MPZL1: variants seen among roughly 807,000 people sequenced by gnomAD.
The protein encoded by MPZL1 is myelin protein zero like 1, also known as myelin protein zero-like protein 1.
In MPZL1, 16 loss-of-function variants were observed where a neutral mutation model predicts 29.3. The observed-to-expected ratio is 0.55, with a 90% CI of 0.37 to 0.83. MPZL1 has a LOEUF of 0.83. MPZL1 is among the 40% of genes least tolerant of loss of function. MPZL1 has a pLI of 0.00. For synonymous variants in MPZL1, 143 were observed against 132.0 expected, an observed-to-expected ratio of 1.08 and a Z score of -0.57; for missense variants, 279 against 332.9, an observed-to-expected ratio of 0.84 and a Z score of 1.26.
intron 5 of MPZL1, among the ~76,000 whole-genome samples, chr1:167,778,046 G>A (rs1230513203): frequency 6.6e-6 from 1 of 152,216 alleles, no homozygotes; most frequent in Non-Finnish European, 1.5e-5. Flanking sequence ...GGCATGGCCT[G>A]GTGCGGTGGC....
At chr1:167,729,339 A>G (rs1660218871) in intron 1 of MPZL1, among the ~76,000 whole-genome samples, 1 of 152,130 alleles carries the variant, frequency 6.6e-6, no homozygotes. Flanking sequence ...CCAAACATTA[A>G]GTTTACAATG....
At chr1:167,734,909 A>G (rs1413814710) in intron 1 of MPZL1, among the ~76,000 whole-genome samples, 1 of 152,240 alleles carries the variant, frequency 6.6e-6, no homozygotes, top group Non-Finnish European at 1.5e-5. Flanking sequence ...TCCAATATTC[A>G]GGATCCCTTT....
intron 3 of MPZL1, 57 bp downstream of exon 3, chr1:167,772,545 T>C (rs1417490045): frequency 1.4e-6 from 2 of 1,470,300 alleles, no homozygotes; most frequent in African/African-American, 1.4e-5. Flanking sequence ...TCATGTTTGG[T>C]TGGAAAACAT....
chr1:167,782,331 T>G (rs2101798756), intron 5 of MPZL1, among the ~76,000 whole-genome samples: 2 of 152,314 alleles, frequency 1.3e-5, no homozygotes, highest in Admixed American at 1.3e-4. Flanking sequence ...ATAATTCCAG[T>G]GTCTGTAGTC....
intron 1 of MPZL1, among the ~76,000 whole-genome samples, chr1:167,732,401 AAAAC>A (rs1660289201): frequency 6.6e-6 from 1 of 152,208 alleles, no homozygotes; most frequent in African/African-American, 2.4e-5. Context: ...CCCAAAAACA[AAAAC>A]AAACAAAAAA....
chr1:167,767,035 T>C (rs776908924), intron 2 of MPZL1, among the ~76,000 whole-genome samples: 34 of 152,352 alleles, frequency 2.2e-4, no homozygotes, highest in African/African-American at 7.5e-4. Flanking sequence ...TGCAACTGTT[T>C]TACATATAAA....
intron 1 of MPZL1, among the ~76,000 whole-genome samples, chr1:167,755,512 C>T (rs987401999): frequency 6.6e-6 from 1 of 152,244 alleles, no homozygotes; most frequent in East Asian, 1.9e-4. Flanking sequence ...TCAACATGTT[C>T]TTTATGTTAA....
intron 1 of MPZL1, among the ~76,000 whole-genome samples, chr1:167,734,207 G>A (rs1004717509): frequency 4.6e-5 from 7 of 151,386 alleles, no homozygotes; most frequent in African/African-American, 1.2e-4. Context: ...AACGAGCCAA[G>A]ATTGCGCCAC....
At chr1:167,724,042 G>T (rs1335820239) in intron 1 of MPZL1, among the ~76,000 whole-genome samples, 1 of 152,164 alleles carries the variant, frequency 6.6e-6, no homozygotes. Context: ...TGATTCCTCT[G>T]CCTTTTCCTC....
intron 5 of MPZL1, among the ~76,000 whole-genome samples, chr1:167,782,226 T>C (rs1439328334): frequency 6.6e-6 from 1 of 152,204 alleles, no homozygotes; most frequent in Non-Finnish European, 1.5e-5. Context: ...CTTTTTTAAA[T>C]ATACCTGGTT....
intron 2 of MPZL1, among the ~76,000 whole-genome samples, chr1:167,769,311 T>C (rs1457717028): frequency 6.6e-6 from 1 of 152,204 alleles, no homozygotes; most frequent in Non-Finnish European, 1.5e-5. Context: ...TGTTACCCTC[T>C]GGAGCAAAGG....
intron 1 of MPZL1, among the ~76,000 whole-genome samples, chr1:167,751,959 T>G (rs1030445771): frequency 3.3e-5 from 5 of 152,214 alleles, no homozygotes; most frequent in African/African-American, 1.2e-4. Context: ...CTTTTTTGTG[T>G]ATCTTTACAA....
chr1:167,767,849 T>C (rs529366988), intron 2 of MPZL1, among the ~76,000 whole-genome samples: 1 of 136,976 alleles, frequency 7.3e-6, no homozygotes, highest in South Asian at 2.3e-4. Flanking sequence ...ATGAGTTTTG[T>C]AATCATTTTG....
At chr1:167,776,654 TTGA>T (rs1661374907) in intron 5 of MPZL1, among the ~76,000 whole-genome samples, 1 of 152,220 alleles carries the variant, frequency 6.6e-6, no homozygotes, top group African/African-American at 2.4e-5. Context: ...ATTAATAGGC[TTGA>T]TGAACAAGGA....
In MPZL1 at chr1:167,791,398, A is replaced by G. The variant is rs35065671; in HGVS notation, c.*3477A>G. 8,776 of 152,364 alleles carry G rather than the reference A, an allele frequency of 0.058. 300 individuals carry two copies. The highest frequency in any genetic ancestry group is 0.088 in the Middle Eastern group (26 of 294). The allele number at this position is 152,364 out of a possible 1,614,324, so 9.4% of individuals were successfully genotyped here. ...AAACAAAACAAGACAAAGCTCCTCA[A>G]GGAGCTTGCCACAGGGTGGAGGTGA... On this transcript the variant is annotated 3_prime_UTR_variant, in exon 6 of 6. Coordinates refer to ENST00000359523, the MANE Select transcript of MPZL1 (RefSeq NM_003953.6).
rs973667968 is a variant in MPZL1, at chr1:167,779,136, G to GA, written c.708+2978dup. 1.5e-4 allele frequency among the ~76,000 whole-genome samples: 22 copies of GA among 149,010 alleles called. No individual in the cohort carries two copies. In the South Asian group the frequency reaches 3.0e-3, roughly 20 times the overall value. Reference sequence around the variant, plus strand: ...GACTCTGTCTCAAAAAAGAAAAAAAGAAAAAAAAGAAAGTGAACAGAGCTT... The same window carrying GA: ...GACTCTGTCTCAAAAAAGAAAAAAAGAAAAAAAAAGAAAGTGAACAGAGCTT... On this transcript the variant is annotated intron_variant, in intron 5 of 5. Transcript: ENST00000359523.
intron 1 of MPZL1, among the ~76,000 whole-genome samples, chr1:167,759,425 A>G (rs1329769662): frequency 1.3e-5 from 2 of 152,208 alleles, no homozygotes; most frequent in Non-Finnish European, 2.9e-5. Flanking sequence ...ATCATTCCCA[A>G]TTGTTTAAGA....
chr1:167,757,342 C>T (rs1314301891), intron 1 of MPZL1, among the ~76,000 whole-genome samples: 5 of 152,214 alleles, frequency 3.3e-5, no homozygotes. Flanking sequence ...CTGGAGCATT[C>T]TGAAACTTAA....
intron 1 of MPZL1, among the ~76,000 whole-genome samples, chr1:167,760,035 C>T (rs1660949494): frequency 6.6e-6 from 1 of 151,948 alleles, no homozygotes; most frequent in African/African-American, 2.4e-5. Context: ...ATCTCTTTGG[C>T]CTCTCTGTGG....
Sources: gnomAD v4.1 joint callset for allele counts (sites outside exome capture counted in the v4.1 genomes callset) on GRCh38, gnomAD v4.1.1 for gene constraint, MANE v1.5 for transcripts, NCBI Gene and HGNC (gene_info 2026-07-23, HGNC 2026-07-21) for gene names.